The following UBR3 variants were observed in gnomAD, a reference collection of about 807,000 sequenced individuals.
The protein encoded by UBR3 is E3 ubiquitin-protein ligase UBR3.
In UBR3, 85 loss-of-function variants were observed where a neutral mutation model predicts 243.2. That is an observed-to-expected ratio of 0.35 (90% CI 0.29 to 0.42). The LOEUF is 0.42. Among genes scored for constraint, UBR3 ranks in the 10% least tolerant of loss-of-function variants. The pLI, the probability that UBR3 is intolerant of heterozygous loss-of-function variation, is 1.00. For missense variants in UBR3, 1,686 were observed against 2,300.8 expected (o/e 0.73, Z 5.47); for synonymous variants, 748 against 799.8 (o/e 0.94, Z 1.09).
At chr2:170,019,281 T>TA (rs2090326588) in intron 30 of UBR3, among the ~76,000 whole-genome samples, 1 of 152,220 alleles carries the variant, frequency 6.6e-6, no homozygotes, top group South Asian at 2.1e-4. Context: ...CTGCAGTAAA[T>TA]AATTTCTACC....
At chr2:169,904,369 G>A (rs575025517) in intron 8 of UBR3, among the ~76,000 whole-genome samples, 5 of 152,236 alleles carry the variant, frequency 3.3e-5, no homozygotes, top group Middle Eastern at 6.8e-3. Context: ...TGTATTATGG[G>A]TATTAATATG....
chr2:169,990,487 A>G (rs2089220681), intron 25 of UBR3, among the ~76,000 whole-genome samples: 1 of 152,162 alleles, frequency 6.6e-6, no homozygotes, highest in African/African-American at 2.4e-5. Flanking sequence ...AAATATATAT[A>G]ATAAAAGAAA....
At chr2:169,883,865 A>G (rs1162486526) in intron 5 of UBR3, among the ~76,000 whole-genome samples, 1 of 152,078 alleles carries the variant, frequency 6.6e-6, no homozygotes, top group African/African-American at 2.4e-5. Context: ...ACAGAGTCTT[A>G]CTCTTTTGCC....
chr2:169,843,128 A>G (rs754851658), intron 1 of UBR3, among the ~76,000 whole-genome samples: 1 of 152,116 alleles, frequency 6.6e-6, no homozygotes. Context: ...CCACTTCCAC[A>G]TTTTCAGGTA....
intron 1 of UBR3, among the ~76,000 whole-genome samples, chr2:169,863,494 A>G (rs1305903314): frequency 1.3e-5 from 2 of 152,196 alleles, no homozygotes; most frequent in Non-Finnish European, 2.9e-5. Context: ...CCCACTAAGG[A>G]CTATTTAACC....
At chr2:169,926,225 C>T (rs1260154585) in intron 14 of UBR3, among the ~76,000 whole-genome samples, 1 of 152,176 alleles carries the variant, frequency 6.6e-6, no homozygotes, top group South Asian at 2.1e-4. Flanking sequence ...TTAACTGGCT[C>T]TGGGAGGGAC....
At chr2:170,006,401 G>A (rs2089912556) in intron 27 of UBR3, among the ~76,000 whole-genome samples, 1 of 152,172 alleles carries the variant, frequency 6.6e-6, no homozygotes, top group African/African-American at 2.4e-5. Context: ...AAAAGTTAAT[G>A]TCAAAAAGTG....
At chr2:169,903,495 T>A (rs2084905419) in intron 8 of UBR3, among the ~76,000 whole-genome samples, 1 of 152,194 alleles carries the variant, frequency 6.6e-6, no homozygotes, top group African/African-American at 2.4e-5. Context: ...ACTTCCTCAT[T>A]GAGTTAGACC....
At chr2:169,842,996 T>C (rs73022469) in intron 1 of UBR3, among the ~76,000 whole-genome samples, 6,626 of 152,302 alleles carry the variant, frequency 0.044, 166 homozygotes, top group Middle Eastern at 0.068. Flanking sequence ...TCTACCAACA[T>C]TCCATTCTTC....
intron 8 of UBR3, among the ~76,000 whole-genome samples, chr2:169,897,998 A>C (rs908500833): frequency 1.3e-5 from 2 of 152,160 alleles, no homozygotes; most frequent in African/African-American, 4.8e-5. Context: ...TGACACAGTT[A>C]AGAAGGATTT....
At position 170,035,911 on chromosome 2, in the gene UBR3, G is replaced by GC. The variant is rs373852944; in HGVS notation, c.4557-4971_4557-4970insC. 0.035 allele frequency among the ~76,000 whole-genome samples: 649 copies of GC among 18,494 alleles called. 15 individuals are homozygous for GC. In the East Asian group the frequency reaches 0.47, roughly 14 times the overall value. 12.1% of individuals were successfully genotyped at this position (18,494 alleles called of 152,430 possible). On this transcript the variant is annotated intron_variant, in intron 31 of 38. Transcript: ENST00000272793. ...TAGATTTATACCTAAGTATTTTATT[G>GC]GGGGGGGGGTTGCTAATTTAAATGA...
chr2:169,856,684 C>T (rs1361541771), intron 1 of UBR3, among the ~76,000 whole-genome samples: 3 of 152,132 alleles, frequency 2.0e-5, no homozygotes, highest in African/African-American at 7.2e-5. Context: ...ATACAAAAAC[C>T]AGTCAGGCAT....
At chr2:169,898,703 C>CTTT (rs1166917127) in intron 8 of UBR3, among the ~76,000 whole-genome samples, 41 of 116,260 alleles carry the variant, frequency 3.5e-4, no homozygotes, top group African/African-American at 6.5e-4. Context: ...GAGTTTCACT[C>CTTT]TTTTTTTTTT....
At chr2:169,890,579 A>ATATATATG (rs373265395) in intron 5 of UBR3, among the ~76,000 whole-genome samples, 4 of 61,268 alleles carry the variant, frequency 6.5e-5, no homozygotes, top group South Asian at 7.0e-4. Context: ...ATATATATAT[A>ATATATATG]TGTATATATA....
intron 8 of UBR3, among the ~76,000 whole-genome samples, chr2:169,899,993 A>G (rs1394331451): frequency 6.6e-6 from 1 of 152,030 alleles, no homozygotes; most frequent in Non-Finnish European, 1.5e-5. Flanking sequence ...ATGATTTATA[A>G]CCCTTTGGGT....
intron 5 of UBR3, among the ~76,000 whole-genome samples, chr2:169,882,218 A>G (rs1254758383): frequency 2.2e-5 from 3 of 136,096 alleles, no homozygotes; most frequent in Non-Finnish European, 4.6e-5. Flanking sequence ...TTATATATGT[A>G]TATTATATAC....
chr2:169,893,272 GTTGT>G lies in UBR3; in HGVS notation c.1106-1906_1106-1903del, dbSNP rs1365618776. 5.9e-5 allele frequency among the ~76,000 whole-genome samples: 9 copies of G among 152,202 alleles called. No homozygotes were observed. In the East Asian group the frequency reaches 1.7e-3, roughly 29 times the overall value. On this transcript the variant is annotated intron_variant, in intron 6 of 38. Coordinates refer to ENST00000272793, the MANE Select transcript of UBR3 (RefSeq NM_172070.4). ...GCCACAGCTTTCCTGGTATATTCAG[GTTGT>G]TTAATTGATTTAAAACATTGTTAAT...
At chr2:169,945,895 G>A (rs545831001) in intron 20 of UBR3, among the ~76,000 whole-genome samples, 2 of 152,074 alleles carry the variant, frequency 1.3e-5, no homozygotes, top group Non-Finnish European at 2.9e-5. Context: ...ATACTCAGAG[G>A]CTCAGAACTT....
intron 35 of UBR3, among the ~76,000 whole-genome samples, chr2:170,071,707 G>C (rs1173765988): frequency 6.6e-6 from 1 of 152,080 alleles, no homozygotes; most frequent in African/African-American, 2.4e-5. Context: ...ATGTTTCTCA[G>C]CCTGCATATA....
Sources: gnomAD v4.1 joint callset for allele counts (sites outside exome capture counted in the v4.1 genomes callset) on GRCh38, gnomAD v4.1.1 for gene constraint, MANE v1.5 for transcripts, NCBI Gene and HGNC (gene_info 2026-07-23, HGNC 2026-07-21) for gene names.